Variants in LRP1B observed in about 807,000 individuals in gnomAD.
LRP1B encodes the protein LDL receptor related protein 1B, also known as low-density lipoprotein receptor-related protein 1B.
A neutral mutation model predicts 556.6 loss-of-function variants in LRP1B; 217 were observed. The observed-to-expected ratio is 0.39, with a 90% CI of 0.35 to 0.44. The LOEUF (loss-of-function observed/expected upper bound fraction) is 0.44, where lower values mean the gene tolerates loss of function less well. Among genes scored for constraint, LRP1B ranks in the 20% least tolerant of loss-of-function variants. The pLI, the probability that LRP1B is intolerant of heterozygous loss-of-function variation, is 1.00. For synonymous variants in LRP1B, 2,047 were observed against 1,865.8 expected (o/e 1.10, Z -2.50); for missense variants, 5,053 against 5,620.8 (o/e 0.90, Z 3.23).
chr2:140,255,158 T>TGACTAA (rs1681621382), intron 86 of LRP1B, among the ~76,000 whole-genome samples: 1 of 152,182 alleles, frequency 6.6e-6, no homozygotes, highest in Non-Finnish European at 1.5e-5. Flanking sequence ...ACCAGATTTG[T>TGACTAA]TTAACATTTA....
chr2:141,915,342 T>G (rs1170136618), intron 1 of LRP1B, among the ~76,000 whole-genome samples: 1 of 152,000 alleles, frequency 6.6e-6, no homozygotes, highest in Non-Finnish European at 1.5e-5. Context: ...CAATACAGCA[T>G]ACAAAACACA....
At chr2:140,817,208 G>C (rs1199036401) in intron 31 of LRP1B, among the ~76,000 whole-genome samples, 2 of 151,980 alleles carry the variant, frequency 1.3e-5, no homozygotes, top group East Asian at 3.9e-4. Flanking sequence ...TCTGAAGAAT[G>C]TATCAATTGT....
At chr2:141,699,208 T>C (rs571392926) in intron 2 of LRP1B, among the ~76,000 whole-genome samples, 3 of 151,940 alleles carry the variant, frequency 2.0e-5, no homozygotes, top group African/African-American at 4.8e-5. Context: ...AAAAAATTAC[T>C]GATACCTGGT....
In LRP1B at chr2:142,086,640, C is replaced by CAAAA. The variant is rs55654885; in HGVS notation, c.82+44004_82+44007dup. Among the ~76,000 whole-genome samples the CAAAA allele has an allele frequency of 2.6e-4, 38 of 147,752 alleles. 1 individual carries two copies. Among genetic ancestry groups the CAAAA allele is most frequent in the African/African-American group, 6.7e-4 (26 of 38,962 alleles). ...ACAAACAAACAAACAAACAAACAAA[C>CAAAA]AAAAAAAAAACACAACTTGTCTCCA... On this transcript the variant is annotated intron_variant, in intron 1 of 90. Transcript: ENST00000389484.
intron 32 of LRP1B, among the ~76,000 whole-genome samples, chr2:140,805,870 T>C (rs918289380): frequency 1.3e-5 from 2 of 152,184 alleles, no homozygotes; most frequent in East Asian, 3.9e-4. Context: ...TGTGCATATA[T>C]ATATGGATGC....
rs556891393 is a variant in LRP1B at position 141,996,239 on chromosome 2, G to A, written c.82+134409C>T. On this transcript the variant is annotated intron_variant, in intron 1 of 90. Transcript: ENST00000389484. ...AAAAAAAAAAAAAAACGTTATAAGTGATTGTTACTTTAAAATAGCTTTATT... is the reference window on the plus strand; with the variant it reads ...AAAAAAAAAAAAAAACGTTATAAGTAATTGTTACTTTAAAATAGCTTTATT... 5.3e-5 allele frequency among the ~76,000 whole-genome samples: 8 copies of A among 150,802 alleles called. No homozygotes were observed. The East Asian group carries it at 1.6e-3, about 30-fold the overall frequency.
intron 7 of LRP1B, among the ~76,000 whole-genome samples, chr2:141,176,140 C>A (rs996494720): frequency 5.9e-5 from 9 of 152,022 alleles, no homozygotes; most frequent in African/African-American, 2.2e-4. Flanking sequence ...CTTTCCTTGT[C>A]TCAGATAAGA....
chr2:140,461,249 ATTTGT>A (rs1281967338), intron 60 of LRP1B, among the ~76,000 whole-genome samples: 1 of 152,018 alleles, frequency 6.6e-6, no homozygotes, highest in African/African-American at 2.4e-5. Flanking sequence ...ATCATTCTAA[ATTTGT>A]TTTTCTGACT....
intron 5 of LRP1B, among the ~76,000 whole-genome samples, chr2:141,242,065 G>T (rs1683898591): frequency 6.6e-6 from 1 of 152,034 alleles, no homozygotes; most frequent in Non-Finnish European, 1.5e-5. Flanking sequence ...AAATTATTAA[G>T]ACTTAATATG....
intron 25 of LRP1B, among the ~76,000 whole-genome samples, chr2:140,877,632 G>T (rs1343622033): frequency 6.6e-6 from 1 of 152,138 alleles, no homozygotes; most frequent in African/African-American, 2.4e-5. Flanking sequence ...CAATGCATTT[G>T]CCTTCTTTAC....
intron 17 of LRP1B, among the ~76,000 whole-genome samples, chr2:140,989,091 T>G (rs1697013079): frequency 6.6e-6 from 1 of 152,070 alleles, no homozygotes. Flanking sequence ...CTACTTCACA[T>G]AAATAATGTG....
At chr2:141,407,442 C>A (rs1690682879) in intron 3 of LRP1B, among the ~76,000 whole-genome samples, 1 of 152,086 alleles carries the variant, frequency 6.6e-6, no homozygotes, top group African/African-American at 2.4e-5. Context: ...CCTGCCAAAT[C>A]TCAGATTGAA....
intron 41 of LRP1B, among the ~76,000 whole-genome samples, chr2:140,606,141 A>T (rs1682859609): frequency 6.6e-6 from 1 of 152,084 alleles, no homozygotes; most frequent in Non-Finnish European, 1.5e-5. Context: ...AAAATCTTAA[A>T]TAATTTAATA....
At chr2:142,113,764 T>C (rs971702666) in intron 1 of LRP1B, among the ~76,000 whole-genome samples, 34 of 152,108 alleles carry the variant, frequency 2.2e-4, no homozygotes, top group African/African-American at 7.7e-4. Context: ...GTTAGTTCAT[T>C]GGGAATTCTG....
chr2:140,301,470 A>C (rs1683817379), intron 83 of LRP1B, among the ~76,000 whole-genome samples: 2 of 152,094 alleles, frequency 1.3e-5, no homozygotes, highest in Admixed American at 1.3e-4. Flanking sequence ...ATTTTGGTAC[A>C]TCCTTGAGCT....
intron 2 of LRP1B, among the ~76,000 whole-genome samples, chr2:141,696,883 T>C (rs959065796): frequency 1.3e-5 from 2 of 152,008 alleles, no homozygotes; most frequent in Admixed American, 6.6e-5. Context: ...CAATGAGCAA[T>C]AGTCAAAAGA....
intron 7 of LRP1B, among the ~76,000 whole-genome samples, chr2:141,068,708 C>T (rs2105478886): frequency 1.3e-5 from 2 of 151,990 alleles, no homozygotes; most frequent in African/African-American, 2.4e-5. Flanking sequence ...TTACAGGCTG[C>T]TCATTGTTAG....
At position 140,867,638 on chromosome 2, in the gene LRP1B, C is replaced by A. The variant is rs376081532; in HGVS notation, c.4531G>T (p.Ala1511Ser). 1 of 1,613,422 alleles carries A rather than the reference C, an allele frequency of 6.2e-7. No homozygotes were observed. The highest frequency in any genetic ancestry group is 1.7e-5 in the Admixed American group (1 of 59,966). Reference sequence around the variant, plus strand: ...TATATCTGAAGGTCAAATGGCTGTGCACTGGTTTTCTGAATCACACTGACA... The same window carrying A: ...TATATCTGAAGGTCAAATGGCTGTGAACTGGTTTTCTGAATCACACTGACA... The part of the protein sequence containing the change: ...QNVSVIQKTS[A>S]QPFDLQIYHP... Residue 1511 changes from alanine to serine, a missense_variant, in exon 27 of 91, where the codon GCA (alanine) becomes TCA (serine). Coordinates refer to ENST00000389484, the MANE Select transcript of LRP1B (RefSeq NM_018557.3).
intron 3 of LRP1B, among the ~76,000 whole-genome samples, chr2:141,319,728 T>C (rs1687169018): frequency 6.6e-6 from 1 of 152,082 alleles, no homozygotes; most frequent in African/African-American, 2.4e-5. Context: ...CCATAGTCTG[T>C]CACTGTGTAT....
Sources: gnomAD v4.1 joint callset for allele counts (sites outside exome capture counted in the v4.1 genomes callset) on GRCh38, gnomAD v4.1.1 for gene constraint, MANE v1.5 for transcripts, NCBI Gene and HGNC (gene_info 2026-07-23, HGNC 2026-07-21) for gene names.